The following TTBK2 variants were observed in gnomAD, a reference collection of about 807,000 sequenced individuals.
TTBK2 encodes the protein tau tubulin kinase 2, also known as tau-tubulin kinase 2.
TTBK2 carries 28 observed loss-of-function variants against 110.8 expected under a neutral mutation model. That is an observed-to-expected ratio of 0.25 (90% CI 0.19 to 0.35). TTBK2 has a LOEUF of 0.35. Among genes scored for constraint, TTBK2 ranks in the 10% least tolerant of loss-of-function variants. TTBK2 has a pLI of 1.00. For missense variants in TTBK2, 1,369 were observed against 1,500.3 expected (o/e 0.91, Z 1.45); for synonymous variants, 532 against 527.3 (o/e 1.01, Z -0.12).
intron 9 of TTBK2, chr15:42,801,381 G>T (rs1891193848): frequency 7.4e-7 from 1 of 1,357,450 alleles, no homozygotes; most frequent in Non-Finnish European, 1.1e-6. Flanking sequence ...ATCCTTAATG[G>T]CTAGCTCCCC....
chr15:42,805,289 T>C (rs1195428080), intron 9 of TTBK2, among the ~76,000 whole-genome samples: 4 of 152,212 alleles, frequency 2.6e-5, no homozygotes, highest in African/African-American at 9.6e-5. Flanking sequence ...GCCCTGGCTC[T>C]TAAGGAGCTT....
At chr15:42,881,346 C>CAA (rs199903053) in intron 1 of TTBK2, among the ~76,000 whole-genome samples, 3 of 80,300 alleles carry the variant, frequency 3.7e-5, no homozygotes, top group Non-Finnish European at 7.6e-5. Context: ...ACTCAAATTT[C>CAA]AAAAAAAAAA....
intron 9 of TTBK2, among the ~76,000 whole-genome samples, chr15:42,798,863 G>A (rs747108183): frequency 2.6e-5 from 4 of 152,136 alleles, no homozygotes; most frequent in Non-Finnish European, 4.4e-5. Flanking sequence ...TGAAGAGGAG[G>A]AAAAGAGGAG....
At position 42,815,958 on chromosome 15, in the gene TTBK2, AATAT is replaced by A. The variant is rs1555427628; in HGVS notation, c.603+1070_603+1073del. 6.9e-4 allele frequency among the ~76,000 whole-genome samples: 63 copies of A among 91,694 alleles called. 1 individual carries two copies. Among genetic ancestry groups the A allele is most frequent in the African/African-American group, 2.7e-3 (44 of 16,142 alleles). 60.2% of individuals were successfully genotyped at this position (91,694 alleles called of 152,430 possible). ...TATATATATATATATTTAAAAAAAA[AATAT>A]ATATATATATATATATTTGAGACGG... On this transcript the variant is annotated intron_variant, in intron 7 of 14. Transcript: ENST00000267890.
intron 7 of TTBK2, among the ~76,000 whole-genome samples, chr15:42,815,917 TATATATATTTAAAA>T (rs1567040349): frequency 1.0e-5 from 1 of 96,556 alleles, no homozygotes; most frequent in Non-Finnish European, 1.8e-5. Flanking sequence ...TTTAAAAATA[TATATATATTTAAAA>T]ATATATATAT....
intron 10 of TTBK2, among the ~76,000 whole-genome samples, chr15:42,784,770 G>C (rs938326902): frequency 6.6e-6 from 1 of 152,140 alleles, no homozygotes. Context: ...TTTTATTAGA[G>C]AGATGTCATA....
At position 42,856,833 on chromosome 15, in the gene TTBK2, G is replaced by A. The variant is rs558134267; in HGVS notation, c.217+15778C>T. On this transcript the variant is annotated intron_variant, in intron 3 of 14. Transcript: ENST00000267890. ...TCCCAACACTTTGGGAGACTGAGGC[G>A]GGGGATCACCTGAGGTCAGGCATTC... is the stretch of plus-strand genomic sequence containing the variant. 1.4e-4 allele frequency among the ~76,000 whole-genome samples: 22 copies of A among 152,238 alleles called. No individual in the cohort carries two copies. In the East Asian group the frequency reaches 2.9e-3, roughly 20 times the overall value.
Position 42,752,349 on chromosome 15 carries a change from T to G in TTBK2, c.2897A>C (p.Glu966Ala), listed in dbSNP as rs765923162. 1 of 1,614,218 alleles carries G rather than the reference T, an allele frequency of 6.2e-7. No homozygotes were observed. Among genetic ancestry groups the G allele is most frequent in the Non-Finnish European group, 8.5e-7 (1 of 1,180,046 alleles). ...ATAGGCTTTCTTTTGGAGGAGCTTT[T>G]CTTTTGCAGAAACTGGAGAGGATGA... The part of the protein sequence containing the change: ...LESSSPVSAK[E>A]KLLQKKAYQP... Residue 966 changes from glutamate to alanine, a missense_variant, in exon 14 of 15, where the codon GAA (glutamate) becomes GCA (alanine). Physicochemically the swap from Glu to Ala is moderately radical, Grantham distance 107. Around this residue, in one of 4 missense-constraint regions of TTBK2, gnomAD observed 1,097 missense variants for 1,114.7 expected, o/e 0.98. Transcript: ENST00000267890.
chr15:42,765,077 C>CA (rs1211565202), intron 13 of TTBK2, among the ~76,000 whole-genome samples: 3 of 152,186 alleles, frequency 2.0e-5, no homozygotes, highest in Admixed American at 6.5e-5. Context: ...ACAGAAAGGA[C>CA]ATCCACACCA....
chr15:42,860,804 T>A (rs1363097112), intron 3 of TTBK2, among the ~76,000 whole-genome samples: 4 of 151,804 alleles, frequency 2.6e-5, no homozygotes. Context: ...TGCACCACCA[T>A]GCCTGGCTAA....
intron 9 of TTBK2, among the ~76,000 whole-genome samples, chr15:42,804,008 CAAAAA>C (rs781131720): frequency 3.9e-5 from 2 of 51,066 alleles, no homozygotes; most frequent in African/African-American, 1.0e-4. Flanking sequence ...GCGAGGAGTG[CAAAAA>C]AAAAAAAAAA....
intron 10 of TTBK2, among the ~76,000 whole-genome samples, chr15:42,791,660 G>T (rs1049059293): frequency 6.6e-5 from 10 of 151,970 alleles, no homozygotes; most frequent in African/African-American, 2.4e-4. Context: ...TCCCAATAAG[G>T]TCTGAACCTC....
intron 9 of TTBK2, chr15:42,798,259 G>A (rs781147778): frequency 8.8e-6 from 4 of 456,128 alleles, no homozygotes; most frequent in South Asian, 6.2e-5. Flanking sequence ...CACTGTGGCA[G>A]TAATTCTCAA....
At chr15:42,848,382 T>C (rs1447431928) in intron 3 of TTBK2, among the ~76,000 whole-genome samples, 1 of 152,156 alleles carries the variant, frequency 6.6e-6, no homozygotes, top group African/African-American at 2.4e-5. Context: ...ATCTTTACTA[T>C]AGTGAACCTT....
intron 13 of TTBK2, among the ~76,000 whole-genome samples, chr15:42,769,653 T>C (rs1174996143): frequency 6.7e-6 from 1 of 149,764 alleles, no homozygotes; most frequent in East Asian, 1.9e-4. Flanking sequence ...ACTTTTACAC[T>C]GTTGGTGGGA....
At chr15:42,858,375 T>C (rs1342312253) in intron 3 of TTBK2, among the ~76,000 whole-genome samples, 2 of 152,198 alleles carry the variant, frequency 1.3e-5, no homozygotes, top group Admixed American at 1.3e-4. Context: ...TATTTTAAAG[T>C]ACTCCAGAAA....
intron 9 of TTBK2, among the ~76,000 whole-genome samples, chr15:42,805,265 G>C (rs925941621): frequency 2.6e-5 from 4 of 152,132 alleles, no homozygotes. Context: ...AGAAAATTGA[G>C]ATAAATGTGC....
intron 3 of TTBK2, among the ~76,000 whole-genome samples, chr15:42,871,926 T>C (rs1894630989): frequency 6.6e-6 from 1 of 152,174 alleles, no homozygotes; most frequent in Non-Finnish European, 1.5e-5. Flanking sequence ...TTAATTTTGT[T>C]TCAGATCAAA....
intron 3 of TTBK2, among the ~76,000 whole-genome samples, chr15:42,840,822 T>A (rs1893191071): frequency 6.6e-6 from 1 of 152,214 alleles, no homozygotes; most frequent in Admixed American, 6.5e-5. Context: ...ATTTCAGATA[T>A]GTTATGGTAC....
Sources: allele counts gnomAD v4.1 joint callset (sites outside exome capture counted in the v4.1 genomes callset), GRCh38; gene constraint gnomAD v4.1.1; regional missense constraint gnomAD v4.1.1; transcripts MANE v1.5; gene names NCBI Gene and HGNC (gene_info 2026-07-23, HGNC 2026-07-21).